Variants in VPS35L observed in about 807,000 individuals in gnomAD.
VPS35L encodes VPS35 endosomal protein-sorting factor-like.
Under a neutral mutation model 133.0 loss-of-function variants are expected in VPS35L, and 83 were observed. The ratio of observed to expected loss-of-function variants is 0.62; its 90% CI spans 0.52 to 0.75. The LOEUF is 0.75. Among genes scored for constraint, VPS35L ranks in the 30% least tolerant of loss-of-function variants. VPS35L has a pLI of 0.00. For synonymous variants in VPS35L, 423 were observed against 449.9 expected (o/e 0.94, Z 0.76); for missense variants, 1,083 against 1,206.8 (o/e 0.90, Z 1.52).
In VPS35L at chr16:19,573,102, A is replaced by G; in HGVS notation, c.286-17A>G. ...AAATGATATTGCTGCTGAAGAGATT[A>G]TCTTGCCTTTCTTTAGGACAGCTCC... is the stretch of plus-strand genomic sequence containing the variant. On this transcript the variant is annotated splice_polypyrimidine_tract_variant and intron_variant, in intron 3 of 30. Transcript: ENST00000417362. 1 of 1,611,432 alleles carries G rather than the reference A, an allele frequency of 6.2e-7. No individual in the cohort carries two copies. Among genetic ancestry groups the G allele is most frequent in the Non-Finnish European group, 8.5e-7 (1 of 1,178,540 alleles).
At position 19,699,599 on chromosome 16, in the gene VPS35L, A is replaced by C; in HGVS notation, c.2744A>C (p.Asn915Thr). ...AACAAGCTCAACCAGCTCTCCGTCAACCTGTGGCACCTGGCACAGAGGCAC... is the reference window on the plus strand; with the variant it reads ...AACAAGCTCAACCAGCTCTCCGTCACCCTGTGGCACCTGGCACAGAGGCAC... ...RNNKLNQLSV[N>T]LWHLAQRHGC... The change falls in exon 30 of 31, where the codon AAC (asparagine) becomes ACC (threonine). Residue 915 changes from asparagine (N) to threonine (T), a missense_variant. Transcript: ENST00000417362. The surrounding 1 kb of genome is among the most constrained non-coding windows in gnomAD (Gnocchi z 4.2). The C allele has an allele frequency of 1.2e-6, 2 of 1,614,092 alleles. No homozygotes were observed. The highest frequency in any genetic ancestry group is 1.7e-6 in the Non-Finnish European group (2 of 1,180,018).
At chr16:19,614,183 G>T (rs1972814923) in intron 12 of VPS35L, among the ~76,000 whole-genome samples, 1 of 152,120 alleles carries the variant, frequency 6.6e-6, no homozygotes, top group South Asian at 2.1e-4. Flanking sequence ...ATGATTAAGT[G>T]GAAGGAGAAT....
At chr16:19,563,564 C>G (rs1971092224) in intron 1 of VPS35L, among the ~76,000 whole-genome samples, 1 of 152,180 alleles carries the variant, frequency 6.6e-6, no homozygotes, top group African/African-American at 2.4e-5. Context: ...GTTAGGCCTT[C>G]TCTTCACGTT....
intron 26 of VPS35L, among the ~76,000 whole-genome samples, chr16:19,662,843 C>T (rs1481243162): frequency 6.6e-6 from 1 of 152,038 alleles, no homozygotes; most frequent in Non-Finnish European, 1.5e-5. Flanking sequence ...CGAGCTCCTA[C>T]AGGGGCATGG....
At chr16:19,601,920 A>G (rs903358719) in intron 9 of VPS35L, among the ~76,000 whole-genome samples, 197 bp downstream of exon 9, 1 of 152,158 alleles carries the variant, frequency 6.6e-6, no homozygotes, top group African/African-American at 2.4e-5. Context: ...CCCGTGTAGG[A>G]ACTCAGGCAA....
intron 1 of VPS35L, among the ~76,000 whole-genome samples, chr16:19,560,615 G>T (rs1567379700): frequency 6.6e-6 from 1 of 152,046 alleles, no homozygotes; most frequent in East Asian, 1.9e-4. Flanking sequence ...GGCCAAAATG[G>T]TGAAAGCCCG....
intron 26 of VPS35L, among the ~76,000 whole-genome samples, chr16:19,657,484 C>G (rs1019814615): frequency 6.6e-6 from 1 of 152,136 alleles, no homozygotes; most frequent in South Asian, 2.1e-4. Context: ...ATTATCCGCT[C>G]ACCTGTGCTT....
intron 28 of VPS35L, 56 bp downstream of exon 28, chr16:19,682,446 CAG>C (rs746000776): frequency 2.5e-5 from 39 of 1,540,660 alleles, no homozygotes; most frequent in Middle Eastern, 1.9e-4. Flanking sequence ...GAAAGGCAGA[CAG>C]AATGCTTTCA....
rs1297675290 is a variant in VPS35L at position 19,684,764 on chromosome 16, A to G, written c.2527+2374A>G. ...ATTACACTGCTTTGTTGATTACAAA[A>G]TAACAGTGTTGGCTGGGCACAGTGG... On this transcript the variant is annotated intron_variant, in intron 28 of 30. Transcript: ENST00000417362. Among the ~76,000 whole-genome samples, 9 of 152,342 alleles carry G rather than the reference A, an allele frequency of 5.9e-5. No individual in the cohort carries two copies. In the East Asian group the frequency reaches 1.7e-3, roughly 29 times the overall value.
chr16:19,667,470 A>G (rs989236553), intron 26 of VPS35L, among the ~76,000 whole-genome samples: 1 of 152,202 alleles, frequency 6.6e-6, no homozygotes, highest in African/African-American at 2.4e-5. Context: ...GCGGTGGCTC[A>G]CGCCTGTAAT....
chr16:19,679,592 C>T (rs936706074), intron 27 of VPS35L, among the ~76,000 whole-genome samples: 7 of 151,636 alleles, frequency 4.6e-5, no homozygotes, highest in African/African-American at 1.7e-4. Flanking sequence ...TCATCCTCCA[C>T]CTCCTGGGTT....
At chr16:19,601,611 C>T (rs1972386018) in intron 8 of VPS35L, 53 bp from the exon 9 acceptor site, 1 of 1,540,202 alleles carries the variant, frequency 6.5e-7, no homozygotes, top group Non-Finnish European at 8.9e-7. Flanking sequence ...CATTTATTTA[C>T]TGTTTGCTCC....
chr16:19,557,679 G>A lies in VPS35L; in HGVS notation c.17+1933G>A, dbSNP rs549654004. On this transcript the variant is annotated intron_variant, in intron 1 of 30. Coordinates refer to ENST00000417362, the MANE Select transcript of VPS35L (RefSeq NM_020314.7). ...ATTACAGGCGTGAGCTACCACACCCGGCCCGTGCTCTGAACATTTCCTTTT... is the reference window on the plus strand; with the variant it reads ...ATTACAGGCGTGAGCTACCACACCCAGCCCGTGCTCTGAACATTTCCTTTT... 3.3e-5 allele frequency among the ~76,000 whole-genome samples: 5 copies of A among 151,394 alleles called. No homozygotes were observed. The South Asian group carries it at 1.1e-3, about 32-fold the overall frequency.
At chr16:19,607,712 T>G (rs1972577847) in intron 9 of VPS35L, 1 of 155,156 alleles carries the variant, frequency 6.4e-6, no homozygotes, top group South Asian at 2.0e-4. Context: ...CCGTAAAGCA[T>G]CTGGAATTCT....
At chr16:19,603,413 A>G (rs1597349890) in intron 9 of VPS35L, among the ~76,000 whole-genome samples, 1 of 152,232 alleles carries the variant, frequency 6.6e-6, no homozygotes, top group East Asian at 1.9e-4. Context: ...TACAAGTAAA[A>G]GACGGTAAAG....
intron 21 of VPS35L, among the ~76,000 whole-genome samples, chr16:19,641,563 TTTC>T (rs1228051240): frequency 1.3e-5 from 2 of 152,196 alleles, no homozygotes; most frequent in African/African-American, 2.4e-5. Flanking sequence ...GTTTTAAGCT[TTTC>T]TTGTCATCTT....
chr16:19,644,609 C>T lies in VPS35L; in HGVS notation c.1866-277C>T, dbSNP rs544257638. Reference sequence around the variant, plus strand: ...AAATTTGACATTAGACCTTGCTGCCCAAGTTCCAAAGAAGTGAAAGTTACC... The same window carrying T: ...AAATTTGACATTAGACCTTGCTGCCTAAGTTCCAAAGAAGTGAAAGTTACC... On this transcript the variant is annotated intron_variant, in intron 22 of 30. Transcript: ENST00000417362. 3.9e-4 allele frequency among the ~76,000 whole-genome samples: 60 copies of T among 152,236 alleles called. 3 individuals carry two copies. In the South Asian group the frequency reaches 0.011, roughly 27 times the overall value.
chr16:19,569,346 G>A, intron 2 of VPS35L, 78 bp from the exon 3 acceptor site: 3 of 1,512,164 alleles, frequency 2.0e-6, no homozygotes, highest in Non-Finnish European at 2.8e-6. Flanking sequence ...ACCAGAATGG[G>A]AGGAAAGTAC....
At chr16:19,653,728 G>A (rs1050762556) in intron 26 of VPS35L, among the ~76,000 whole-genome samples, 6 of 152,182 alleles carry the variant, frequency 3.9e-5, no homozygotes, top group African/African-American at 7.2e-5. Context: ...CATTGTCTTC[G>A]TAGGGCATTC....
Sources: allele counts gnomAD v4.1 joint callset (sites outside exome capture counted in the v4.1 genomes callset), GRCh38; gene constraint gnomAD v4.1.1; non-coding constraint Gnocchi (gnomAD v3.1); transcripts MANE v1.5; gene names NCBI Gene and HGNC (gene_info 2026-07-23, HGNC 2026-07-21).